Variants in HECW2 observed in about 807,000 individuals in gnomAD.
HECW2 encodes E3 ubiquitin-protein ligase HECW2.
Under a neutral mutation model 175.2 loss-of-function variants are expected in HECW2, and 61 were observed. The ratio of observed to expected loss-of-function variants is 0.35; its 90% CI spans 0.28 to 0.43. The LOEUF is 0.43. Among genes scored for constraint, HECW2 ranks in the 20% least tolerant of loss-of-function variants. The probability of loss-of-function intolerance (pLI) is 1.00; values close to 1 mark genes in which losing one functional copy is unlikely to be tolerated. For missense variants in HECW2, 1,524 were observed against 2,000.5 expected (o/e 0.76, Z 4.54); for synonymous variants, 671 against 731.0 (o/e 0.92, Z 1.32).
Position 196,225,813 on chromosome 2 carries a change from A to G in HECW2, c.3975T>C (p.Asp1325=). The G allele has an allele frequency of 6.2e-7, 1 of 1,613,324 alleles. No homozygotes were observed. Among genetic ancestry groups the G allele is most frequent in the Middle Eastern group, 1.6e-4 (1 of 6,062 alleles). ...TATAAAAGGGCCGTGTGAAGAAGGC[A>G]TCCAACAAATACTGGTGTATTAGTG... The part of the protein sequence containing the change: ...GLALIHQYLL[D]AFFTRPFYKA... Residue 1325 remains aspartate (D), a synonymous_variant, in exon 23 of 29, where the codon GAT becomes GAC. Transcript: ENST00000644978.
chr2:196,289,538 AAT>A (rs1463566281), intron 14 of HECW2: 12 of 152,148 alleles, frequency 7.9e-5, no homozygotes, highest in African/African-American at 2.9e-4. Context: ...GTTCCCCAAC[AAT>A]ATGGTGAACT....
chr2:196,253,855 G>T, intron 19 of HECW2, 65 bp downstream of exon 19: 2 of 1,454,610 alleles, frequency 1.4e-6, no homozygotes, highest in South Asian at 1.1e-5. Context: ...CTTTAGGGAG[G>T]ATAGAACATC....
intron 2 of HECW2, 152 bp downstream of exon 2, chr2:196,432,980 T>A: frequency 1.5e-6 from 1 of 675,688 alleles, no homozygotes; most frequent in Non-Finnish European, 2.4e-6. Flanking sequence ...AATCTCCTCC[T>A]CCCAAAGAAG....
chr2:196,222,937 C>T, intron 23 of HECW2, among the ~76,000 whole-genome samples: 1 of 152,152 alleles, frequency 6.6e-6, no homozygotes, highest in South Asian at 2.1e-4. Flanking sequence ...TTTTCCCCCA[C>T]TTTTTTTAAT....
At chr2:196,299,980 A>C (rs1690978083) in intron 13 of HECW2, among the ~76,000 whole-genome samples, 1 of 152,102 alleles carries the variant, frequency 6.6e-6, no homozygotes, top group Non-Finnish European at 1.5e-5. Context: ...GTGACTATTT[A>C]TCCAGTCTCT....
intron 1 of HECW2, among the ~76,000 whole-genome samples, chr2:196,475,939 A>C (rs1686590939): frequency 6.6e-6 from 1 of 152,204 alleles, no homozygotes. Flanking sequence ...CCTTGTCTTC[A>C]AATCCTCTTG....
At chr2:196,380,679 G>C (rs1575482298) in intron 2 of HECW2, among the ~76,000 whole-genome samples, 2 of 152,170 alleles carry the variant, frequency 1.3e-5, no homozygotes, top group Non-Finnish European at 1.5e-5. Flanking sequence ...CTCTAACAGG[G>C]ATGAGGTTTT....
chr2:196,512,706 T>C (rs1687996832), intron 1 of HECW2, among the ~76,000 whole-genome samples: 1 of 151,880 alleles, frequency 6.6e-6, no homozygotes, highest in African/African-American at 2.4e-5. Context: ...TTTTTTTTTT[T>C]CGAGTTGGAG....
intron 1 of HECW2, among the ~76,000 whole-genome samples, chr2:196,537,391 G>C (rs1412802778): frequency 6.6e-6 from 1 of 152,052 alleles, no homozygotes; most frequent in African/African-American, 2.4e-5. Flanking sequence ...AGAGACCGGC[G>C]AGCTACATTC....
At chr2:196,410,359 G>C (rs1375358720) in intron 2 of HECW2, among the ~76,000 whole-genome samples, 1 of 152,154 alleles carries the variant, frequency 6.6e-6, no homozygotes, top group East Asian at 1.9e-4. Context: ...AAGTGTGTTG[G>C]AGCCAGATTT....
chr2:196,581,470 A>C (rs1239154829), intron 1 of HECW2, among the ~76,000 whole-genome samples: 15 of 151,974 alleles, frequency 9.9e-5, no homozygotes, highest in African/African-American at 3.6e-4. Flanking sequence ...GGAGGCAGAC[A>C]TTGCAGTGAG....
chr2:196,228,592 G>C (rs1687936671), intron 21 of HECW2, among the ~76,000 whole-genome samples: 1 of 152,140 alleles, frequency 6.6e-6, no homozygotes, highest in Non-Finnish European at 1.5e-5. Context: ...CGAATGTCAG[G>C]AGCAAGCTTA....
At chr2:196,435,939 G>T (rs1200676220) in intron 1 of HECW2, among the ~76,000 whole-genome samples, 2 of 152,162 alleles carry the variant, frequency 1.3e-5, no homozygotes, top group African/African-American at 2.4e-5. Flanking sequence ...ATTATATCAA[G>T]AACTGGTTTT....
chr2:196,257,125 C>G (rs1408878651), intron 18 of HECW2, among the ~76,000 whole-genome samples: 1 of 152,138 alleles, frequency 6.6e-6, no homozygotes, highest in Non-Finnish European at 1.5e-5. Context: ...GATGAGCGTC[C>G]CAACCACTGG....
chr2:196,478,126 C>A (rs556859587), intron 1 of HECW2, among the ~76,000 whole-genome samples: 22 of 152,122 alleles, frequency 1.4e-4, no homozygotes, highest in Non-Finnish European at 2.6e-4. Context: ...AAGTCCCACT[C>A]ATGAACCGTG....
intron 1 of HECW2, among the ~76,000 whole-genome samples, chr2:196,503,364 T>C (rs956132802): frequency 3.9e-5 from 6 of 152,088 alleles, no homozygotes; most frequent in Non-Finnish European, 8.8e-5. Context: ...AGGGGCAAGA[T>C]AGAAGAGGGC....
At chr2:196,281,797 G>A (rs1397736202) in intron 14 of HECW2, among the ~76,000 whole-genome samples, 1 of 152,046 alleles carries the variant, frequency 6.6e-6, no homozygotes, top group East Asian at 1.9e-4. Context: ...ATTGAGAAGT[G>A]GGAGGCAACA....
rs761097190 is a variant in HECW2, at chr2:196,202,177, T to C, written c.4608-789A>G. On this transcript the variant is annotated intron_variant, in intron 28 of 28. Coordinates refer to ENST00000644978, the MANE Select transcript of HECW2 (RefSeq NM_001348768.2). Reference sequence around the variant, plus strand: ...ACATGAAATAGGAAACATTCTATTCTGAATGTACAACAGCTTGTTTGGGGG... The same window carrying C: ...ACATGAAATAGGAAACATTCTATTCCGAATGTACAACAGCTTGTTTGGGGG... Among the ~76,000 whole-genome samples, 4 of 152,170 alleles carry C rather than the reference T, an allele frequency of 2.6e-5. No homozygotes were observed. The East Asian group carries it at 7.7e-4, about 29-fold the overall frequency.
chr2:196,256,746 T>C (rs1689070755), intron 18 of HECW2, among the ~76,000 whole-genome samples: 1 of 152,204 alleles, frequency 6.6e-6, no homozygotes. Flanking sequence ...CCTGACCACC[T>C]AGCATACTAT....
Sources: gnomAD v4.1 joint callset for allele counts (sites outside exome capture counted in the v4.1 genomes callset) on GRCh38, gnomAD v4.1.1 for gene constraint, MANE v1.5 for transcripts, NCBI Gene and HGNC (gene_info 2026-07-23, HGNC 2026-07-21) for gene names.